The following WDPCP variants were observed in gnomAD, a reference collection of about 807,000 sequenced individuals.
WDPCP encodes the protein WD repeat containing planar cell polarity effector, also known as WD repeat-containing and planar cell polarity effector protein fritz homolog.
A neutral mutation model predicts 93.1 loss-of-function variants in WDPCP; 71 were observed. The observed-to-expected ratio is 0.76, with a 90% CI of 0.63 to 0.93. WDPCP has a LOEUF of 0.93. Among genes scored for constraint, WDPCP ranks in the 40% least tolerant of loss-of-function variants. WDPCP has a pLI of 0.00. For missense variants in WDPCP, 844 were observed against 887.4 expected, an observed-to-expected ratio of 0.95 and a Z score of 0.62; for synonymous variants, 315 against 315.0, an observed-to-expected ratio of 1.00 and a Z score of 0.00.
At chr2:63,142,428 A>G (rs887088253) in intron 17 of WDPCP, among the ~76,000 whole-genome samples, 4 of 152,078 alleles carry the variant, frequency 2.6e-5, no homozygotes, top group Non-Finnish European at 5.9e-5. Context: ...TTTAATTTCT[A>G]TGTATTTGTA....
rs564005250 is a variant in WDPCP at position 63,820,424 on chromosome 2, C to T, written n.223-6717G>A. On this transcript the variant is annotated intron_variant and non_coding_transcript_variant, in intron 1 of 4. Transcript: ENST00000467687. ...AATAGTGATGCAACCCAGTTTGAGACCTAACTAGCTAGAGGATAACACAAA... is the reference window on the plus strand; with the variant it reads ...AATAGTGATGCAACCCAGTTTGAGATCTAACTAGCTAGAGGATAACACAAA... Among the ~76,000 whole-genome samples, 23 of 152,200 alleles carry T rather than the reference C, an allele frequency of 1.5e-4. No individual in the cohort carries two copies. The South Asian group carries it at 4.4e-3, about 29-fold the overall frequency.
At chr2:63,543,920 CTTTTA>C (rs1704938134) in intron 1 of WDPCP, among the ~76,000 whole-genome samples, 1 of 151,858 alleles carries the variant, frequency 6.6e-6, no homozygotes, top group Non-Finnish European at 1.5e-5. Flanking sequence ...GTCGTATTTT[CTTTTA>C]TATTTTATGT....
intron 2 of WDPCP, among the ~76,000 whole-genome samples, chr2:63,709,707 T>C (rs181010590): frequency 1.9e-4 from 29 of 152,362 alleles, no homozygotes; most frequent in Admixed American, 1.0e-3. Flanking sequence ...TCTCATGATT[T>C]AATTAGCATA....
At chr2:63,138,001 C>G (rs1248601225) in intron 17 of WDPCP, among the ~76,000 whole-genome samples, 2 of 146,790 alleles carry the variant, frequency 1.4e-5, no homozygotes, top group Non-Finnish European at 3.0e-5. Context: ...ATGCCTCCAG[C>G]TTTTTGTTTT....
intron 14 of WDPCP, among the ~76,000 whole-genome samples, chr2:63,227,594 TAAA>T (rs1188001403): frequency 1.3e-5 from 2 of 152,010 alleles, no homozygotes; most frequent in African/African-American, 4.8e-5. Context: ...AGCAGACTAG[TAAA>T]GTGATTTAGA....
intron 10 of WDPCP, among the ~76,000 whole-genome samples, chr2:63,390,166 TG>T (rs1693104889): frequency 6.6e-6 from 1 of 152,082 alleles, no homozygotes; most frequent in South Asian, 2.1e-4. Context: ...CCTCAGCAAA[TG>T]TAGAAGAACA....
At chr2:63,674,300 G>C (rs1181443664) in intron 2 of WDPCP, among the ~76,000 whole-genome samples, 1 of 152,048 alleles carries the variant, frequency 6.6e-6, no homozygotes, top group East Asian at 1.9e-4. Flanking sequence ...ATCAAAGCTT[G>C]CCATGGGTTT....
chr2:63,131,728 A>T (rs562452385), intron 17 of WDPCP, among the ~76,000 whole-genome samples: 2 of 151,342 alleles, frequency 1.3e-5, no homozygotes, highest in Admixed American at 6.6e-5. Context: ...GACCCTCTTT[A>T]GCATTTCTTG....
intron 1 of WDPCP, among the ~76,000 whole-genome samples, chr2:63,529,854 C>T (rs1575590032): frequency 6.6e-6 from 1 of 152,060 alleles, no homozygotes; most frequent in Non-Finnish European, 1.5e-5. Flanking sequence ...TGGTAGGCTA[C>T]TAATTATTGC....
intron 9 of WDPCP, among the ~76,000 whole-genome samples, chr2:63,418,942 G>A (rs77348505): frequency 2.6e-5 from 4 of 152,232 alleles, no homozygotes; most frequent in East Asian, 3.9e-4. Flanking sequence ...CACAAGAAAC[G>A]GATGGCCAGC....
chr2:63,628,755 A>G (rs1406702408), intron 3 of WDPCP, among the ~76,000 whole-genome samples: 4 of 152,284 alleles, frequency 2.6e-5, no homozygotes, highest in South Asian at 2.1e-4. Context: ...TTAATAGACA[A>G]TCACAGGGGT....
chr2:63,529,089 G>T (rs1250230145), intron 1 of WDPCP, among the ~76,000 whole-genome samples: 2 of 152,176 alleles, frequency 1.3e-5, no homozygotes, highest in African/African-American at 4.8e-5. Context: ...TGCTGAAGTT[G>T]CTTATCAGCT....
At chr2:63,492,485 T>TA (rs1028704394) in intron 2 of WDPCP, among the ~76,000 whole-genome samples, 10 of 151,916 alleles carry the variant, frequency 6.6e-5, no homozygotes, top group Admixed American at 1.3e-4. Context: ...CTTTTTTTTT[T>TA]ACCATTCAAT....
intron 14 of WDPCP, among the ~76,000 whole-genome samples, chr2:63,179,321 A>C (rs1674060329): frequency 6.6e-6 from 1 of 151,528 alleles, no homozygotes; most frequent in African/African-American, 2.4e-5. Flanking sequence ...GCTTCTGGGG[A>C]GGACTCAGGG....
At chr2:63,331,224 AT>A (rs1440996668) in intron 12 of WDPCP, among the ~76,000 whole-genome samples, 1 of 152,210 alleles carries the variant, frequency 6.6e-6, no homozygotes, top group Admixed American at 6.5e-5. Flanking sequence ...TTGGAAAGAT[AT>A]AAAATCCTTG....
intron 6 of WDPCP, among the ~76,000 whole-genome samples, chr2:63,474,220 T>C (rs1480375968): frequency 2.6e-5 from 4 of 152,132 alleles, no homozygotes; most frequent in African/African-American, 4.8e-5. Context: ...AATTACAGGA[T>C]ATCAGAGGTA....
At chr2:63,353,483 C>T (rs1053888237) in intron 12 of WDPCP, among the ~76,000 whole-genome samples, 1 of 152,160 alleles carries the variant, frequency 6.6e-6, no homozygotes, top group Non-Finnish European at 1.5e-5. Flanking sequence ...AGAAGGCGCT[C>T]CTGGTGGGAG....
intron 17 of WDPCP, among the ~76,000 whole-genome samples, chr2:63,136,984 A>ATATATGTACCACATTTTCTTTATCC: frequency 6.6e-6 from 1 of 152,220 alleles, no homozygotes; most frequent in Admixed American, 6.5e-5. Context: ...GGTTGACTCC[A>ATATATGTACCACATTTTCTTTATCC]TGTCTTTGCT....
intron 12 of WDPCP, among the ~76,000 whole-genome samples, chr2:63,370,289 G>A (rs1691274061): frequency 6.6e-6 from 1 of 151,932 alleles, no homozygotes; most frequent in Non-Finnish European, 1.5e-5. Context: ...CATTTTTCTA[G>A]GTTCTTCCAG....
Sources: allele counts gnomAD v4.1 joint callset (sites outside exome capture counted in the v4.1 genomes callset), GRCh38; gene constraint gnomAD v4.1.1; transcripts MANE v1.5; gene names NCBI Gene and HGNC (gene_info 2026-07-23, HGNC 2026-07-21).